Variants in MRPS35 observed in about 807,000 individuals in gnomAD.
MRPS35 encodes small ribosomal subunit protein mS35.
Under a neutral mutation model 32.7 loss-of-function variants are expected in MRPS35, and 29 were observed. The ratio of observed to expected loss-of-function variants is 0.89; its 90% CI spans 0.66 to 1.21. The LOEUF (loss-of-function observed/expected upper bound fraction) is 1.21, where lower values mean the gene tolerates loss of function less well. MRPS35 is among the 50% of genes most tolerant of loss of function. MRPS35 has a pLI of 0.00. For synonymous variants in MRPS35, 148 were observed against 139.3 expected (o/e 1.06, Z -0.44); for missense variants, 373 against 383.8 (o/e 0.97, Z 0.23).
intron 5 of MRPS35, among the ~76,000 whole-genome samples, chr12:27,729,473 A>G (rs988688339): frequency 1.3e-5 from 2 of 151,944 alleles, no homozygotes; most frequent in Non-Finnish European, 2.9e-5. Flanking sequence ...CTGAAGTCAT[A>G]TTTCTGTAGT....
At chr12:27,750,826 G>C (rs1392400403) in intron 7 of MRPS35, among the ~76,000 whole-genome samples, 2 of 152,010 alleles carry the variant, frequency 1.3e-5, no homozygotes, top group Admixed American at 6.6e-5. Flanking sequence ...AAGAAGGCCA[G>C]GTGCAGTGGC....
chr12:27,720,489 T>G (rs1422110510), intron 4 of MRPS35, among the ~76,000 whole-genome samples: 1 of 151,774 alleles, frequency 6.6e-6, no homozygotes, highest in African/African-American at 2.4e-5. Context: ...TTGAAGAAAT[T>G]ATTTAAAATT....
At chr12:27,712,257 A>G (rs1408063747) in intron 1 of MRPS35, among the ~76,000 whole-genome samples, 5 of 152,216 alleles carry the variant, frequency 3.3e-5, no homozygotes, top group African/African-American at 1.2e-4. Context: ...ACAATGTGGC[A>G]GGAGCTAAGT....
In MRPS35 at chr12:27,724,193, G is replaced by A; in HGVS notation, c.522+7G>A. On this transcript the variant is annotated splice_region_variant and intron_variant, in intron 5 of 7. Coordinates refer to ENST00000081029, the MANE Select transcript of MRPS35 (RefSeq NM_021821.4). ...ACGAGTAGTAGTCTTAAGAGTAAGAGTTTTTTTCATTTTTTTTTTTTAAAT... is the reference window on the plus strand; with the variant it reads ...ACGAGTAGTAGTCTTAAGAGTAAGAATTTTTTTCATTTTTTTTTTTTAAAT... 1.3e-6 allele frequency: 2 copies of A among 1,537,828 alleles called. No homozygotes were observed. The highest frequency in any genetic ancestry group is 1.7e-6 in the Non-Finnish European group (2 of 1,147,852).
At position 27,710,954 on chromosome 12, in the gene MRPS35, G is replaced by A. The variant is rs1566045224; in HGVS notation, c.111G>A (p.Leu37=). 2.5e-6 allele frequency: 4 copies of A among 1,612,146 alleles called. No homozygotes were observed. Among genetic ancestry groups the A allele is most frequent in the Non-Finnish European group, 3.4e-6 (4 of 1,179,360 alleles). ...YSATPVPTPS[L]PERTPGNERP... ...CCACTCCGGTCCCGACACCTAGCCT[G>A]CGTGAGTGTCTGTCTCGTCTTCTCT... Residue 37 remains leucine, a splice_region_variant and synonymous_variant, in exon 1 of 8, where the codon CTG becomes CTA. Transcript: ENST00000081029.
intron 7 of MRPS35, among the ~76,000 whole-genome samples, chr12:27,742,188 T>A (rs549143405): frequency 6.6e-6 from 1 of 152,382 alleles, no homozygotes; most frequent in South Asian, 2.1e-4. Context: ...TAAAAATGAA[T>A]ACTTTTGCAG....
At chr12:27,718,454 T>G (rs2061859845) in intron 3 of MRPS35, among the ~76,000 whole-genome samples, 1 of 152,192 alleles carries the variant, frequency 6.6e-6, no homozygotes, top group African/African-American at 2.4e-5. Context: ...CTCAAGATAC[T>G]TGGCATAATT....
At chr12:27,753,824 A>G (rs2062015606) in intron 7 of MRPS35, among the ~76,000 whole-genome samples, 1 of 152,176 alleles carries the variant, frequency 6.6e-6, no homozygotes, top group African/African-American at 2.4e-5. Context: ...TTAAATCATA[A>G]ATCTGAATTA....
chr12:27,749,287 T>C (rs562480484), intron 7 of MRPS35, among the ~76,000 whole-genome samples: 6 of 152,116 alleles, frequency 3.9e-5, no homozygotes, highest in African/African-American at 9.6e-5. Flanking sequence ...CACTGAACTT[T>C]CGCTAAAAGA....
chr12:27,714,585 G>C (rs1335212293), intron 1 of MRPS35, among the ~76,000 whole-genome samples, 195 bp from the exon 2 acceptor site: 2 of 120,002 alleles, frequency 1.7e-5, no homozygotes, highest in African/African-American at 6.6e-5. Context: ...GACTCCCTCT[G>C]TTTCCAGTTT....
intron 7 of MRPS35, among the ~76,000 whole-genome samples, chr12:27,746,055 A>G (rs2061981175): frequency 6.6e-6 from 1 of 152,130 alleles, no homozygotes; most frequent in Admixed American, 6.5e-5. Context: ...TAGCAGCATG[A>G]TTTATGTGGA....
chr12:27,710,979 T>C (rs775720908), intron 1 of MRPS35, 24 bp downstream of exon 1: 1 of 1,599,350 alleles, frequency 6.3e-7, no homozygotes, highest in African/African-American at 1.3e-5. Context: ...TCGTCTTCTC[T>C]GGGCTTTGGG....
rs374122069 is a variant in MRPS35, at chr12:27,710,946, C to G, written c.103C>G (p.Pro35Ala). The G allele has an allele frequency of 6.2e-7, 1 of 1,612,744 alleles. No homozygotes were observed. The highest frequency in any genetic ancestry group is 2.2e-5 in the East Asian group (1 of 44,880). The change falls in exon 1 of 8, where the codon CCT (proline) becomes GCT (alanine). Residue 35 changes from proline (P) to alanine (A), a missense_variant. Physicochemically the swap from Pro to Ala is conservative, Grantham distance 27 (BLOSUM62 -1). Transcript: ENST00000081029. ...AVYSATPVPT[P>A]SLPERTPGNE... The stretch of plus-strand genomic sequence containing the variant: ...CTACTCGGCCACTCCGGTCCCGACA[C>G]CTAGCCTGCGTGAGTGTCTGTCTCG...
intron 7 of MRPS35, among the ~76,000 whole-genome samples, chr12:27,750,233 A>G (rs375390127): frequency 7.2e-5 from 11 of 152,322 alleles, no homozygotes; most frequent in African/African-American, 2.4e-4. Flanking sequence ...ATGCACCATA[A>G]TTCACTTTCT....
At chr12:27,738,954 G>T (rs1202844584) in intron 7 of MRPS35, among the ~76,000 whole-genome samples, 1 of 150,970 alleles carries the variant, frequency 6.6e-6, no homozygotes, top group Non-Finnish European at 1.5e-5. Context: ...TGTTGCCCAG[G>T]CTGGAGTGCA....
intron 3 of MRPS35, among the ~76,000 whole-genome samples, chr12:27,717,914 C>T (rs895100310): frequency 9.2e-5 from 14 of 152,240 alleles, no homozygotes; most frequent in South Asian, 6.2e-4. Context: ...TAAGTCCATG[C>T]AAATTGTCTA....
chr12:27,722,055 A>T (rs1414578263), intron 4 of MRPS35, among the ~76,000 whole-genome samples: 1 of 152,260 alleles, frequency 6.6e-6, no homozygotes, highest in Non-Finnish European at 1.5e-5. Context: ...TAAAAAAATT[A>T]AATGAAAGGC....
rs1487308862 is a variant in MRPS35 at position 27,716,298 on chromosome 12, C to A, written c.161C>A (p.Pro54His). 2 of 1,600,540 alleles carry A rather than the reference C, an allele frequency of 1.2e-6. No homozygotes were observed. Among genetic ancestry groups the A allele is most frequent in the Admixed American group, 3.6e-5 (2 of 56,180 alleles). ...CGATTTTATATTTCTTAGGCACTACCTCCTAGGACAGAGAAAATGGCTGTT... is the reference window on the plus strand; with the variant it reads ...CGATTTTATATTTCTTAGGCACTACATCCTAGGACAGAGAAAATGGCTGTT... Reference protein sequence around the residue: ...NERPPRRKALPPRTEKMAVDQ... With the variant: ...NERPPRRKALHPRTEKMAVDQ... The change falls in exon 3 of 8, where the codon CCT becomes CAT. Residue 54 changes from proline to histidine, a missense_variant. Coordinates refer to ENST00000081029, the MANE Select transcript of MRPS35 (RefSeq NM_021821.4).
At chr12:27,714,894 C>A in intron 2 of MRPS35, 74 bp downstream of exon 2, 2 of 1,311,522 alleles carry the variant, frequency 1.5e-6, no homozygotes, top group Non-Finnish European at 2.2e-6. Context: ...CATTATAAGG[C>A]AGAAGGGTGT....
Sources: gnomAD v4.1 joint callset for allele counts (sites outside exome capture counted in the v4.1 genomes callset) on GRCh38, gnomAD v4.1.1 for gene constraint, MANE v1.5 for transcripts, NCBI Gene and HGNC (gene_info 2026-07-23, HGNC 2026-07-21) for gene names.